Variants in MYO5B observed in about 807,000 individuals in gnomAD.
The protein encoded by MYO5B is myosin VB.
MYO5B carries 143 observed loss-of-function variants against 229.3 expected under a neutral mutation model. That is an observed-to-expected ratio of 0.62 (90% CI 0.54 to 0.72). The LOEUF is 0.72. MYO5B is among the 30% of genes least tolerant of loss of function. The pLI is 0.00. For missense variants in MYO5B, 2,321 were observed against 2,331.0 expected, an observed-to-expected ratio of 1.00 and a Z score of 0.09; for synonymous variants, 918 against 885.2, an observed-to-expected ratio of 1.04 and a Z score of -0.66.
chr18:50,147,950 GA>G (rs200861251), intron 1 of MYO5B, among the ~76,000 whole-genome samples: 13,386 of 151,174 alleles, frequency 0.089, 658 homozygotes, highest in East Asian at 0.19. Context: ...GACTAATAAA[GA>G]AAAAAAGAGA....
chr18:50,188,542 T>C (rs1393784257), intron 1 of MYO5B, among the ~76,000 whole-genome samples: 1 of 152,052 alleles, frequency 6.6e-6, no homozygotes, highest in Non-Finnish European at 1.5e-5. Flanking sequence ...ACATAAAAAC[T>C]ATCAACAAGG....
chr18:49,962,865 T>A (rs1283320906), intron 11 of MYO5B, 84 bp downstream of exon 11: 61 of 1,200,162 alleles, frequency 5.1e-5, no homozygotes. Context: ...CCCACCCACC[T>A]CAGAGGAAGA....
intron 1 of MYO5B, among the ~76,000 whole-genome samples, chr18:50,183,339 C>CATA (rs2033103088): frequency 9.1e-6 from 1 of 110,208 alleles, no homozygotes; most frequent in Non-Finnish European, 1.9e-5. Flanking sequence ...ATATATATAT[C>CATA]TCCTTCAATA....
chr18:49,990,086 T>C (rs1315882225), intron 7 of MYO5B, among the ~76,000 whole-genome samples: 5 of 152,236 alleles, frequency 3.3e-5, no homozygotes, highest in African/African-American at 9.6e-5. Context: ...ATATGATGTA[T>C]ATTACTTTTA....
chr18:50,086,900 A>C (rs1241903650), intron 1 of MYO5B, among the ~76,000 whole-genome samples: 1 of 152,178 alleles, frequency 6.6e-6, no homozygotes, highest in East Asian at 1.9e-4. Flanking sequence ...CATATAGTGG[A>C]GTGGTCTGTA....
chr18:49,912,494 C>G lies in MYO5B; in HGVS notation c.2091-321G>C, dbSNP rs149497471. Among the ~76,000 whole-genome samples, 752 of 152,268 alleles carry G rather than the reference C, an allele frequency of 4.9e-3. 5 individuals are homozygous for G. The highest frequency in any genetic ancestry group is 7.0e-3 in the Non-Finnish European group (476 of 68,016). On this transcript the variant is annotated intron_variant, in intron 17 of 39. Transcript: ENST00000285039. ...ACCCAAATCTCATCGTGAATTGTAC[C>G]TCCCATAATTCTCACATGTCGAGGG...
intron 12 of MYO5B, among the ~76,000 whole-genome samples, chr18:49,956,669 C>T (rs981866320): frequency 2.6e-5 from 2 of 76,152 alleles, no homozygotes; most frequent in Admixed American, 2.5e-4. Flanking sequence ...AAAGGAAATG[C>T]ACATACAGCT....
intron 4 of MYO5B, among the ~76,000 whole-genome samples, chr18:50,009,331 T>C (rs1034924468): frequency 1.3e-5 from 2 of 152,090 alleles, no homozygotes; most frequent in Admixed American, 6.5e-5. Flanking sequence ...TGAGCCGAGA[T>C]TGCACCACTG....
intron 1 of MYO5B, among the ~76,000 whole-genome samples, chr18:50,087,631 T>C (rs906526391): frequency 2.0e-5 from 3 of 151,496 alleles, no homozygotes; most frequent in Admixed American, 2.0e-4. Flanking sequence ...AATCACACTA[T>C]GTTTAACCGC....
rs1435910990 is a variant in MYO5B at position 49,963,024 on chromosome 18, C to T, written c.1329G>A (p.Glu443=). 6.2e-7 allele frequency: 1 copy of T among 1,613,536 alleles called. No individual in the cohort carries two copies. The highest frequency in any genetic ancestry group is 1.1e-5 in the South Asian group (1 of 91,074). Residue 443 remains glutamate, a synonymous_variant, in exon 11 of 40, where the codon GAG becomes GAA. Transcript: ENST00000285039. The part of the protein sequence containing the change: ...FIGVLDIYGF[E]TFEVNSFEQF... ...GCTCAAAGCTGTTTACCTCAAATGT[C>T]TCAAACCTACAGAATGGAAAGAGAA...
chr18:50,061,553 C>A (rs1036775166), intron 1 of MYO5B, among the ~76,000 whole-genome samples: 1 of 152,216 alleles, frequency 6.6e-6, no homozygotes, highest in African/African-American at 2.4e-5. Context: ...TTCTAGCCTA[C>A]TTCTACTCCA....
At chr18:50,054,440 T>C (rs1422589136) in intron 2 of MYO5B, among the ~76,000 whole-genome samples, 2 of 152,254 alleles carry the variant, frequency 1.3e-5, no homozygotes, top group African/African-American at 4.8e-5. Context: ...TTTGTGTTCA[T>C]GTTCACTGCC....
At chr18:49,968,232 C>T (rs114607848) in intron 10 of MYO5B, among the ~76,000 whole-genome samples, 1,570 of 152,260 alleles carry the variant, frequency 0.01, 15 homozygotes, top group African/African-American at 0.036. Flanking sequence ...AACTGAGGGT[C>T]GGGCTGCTTA....
intron 27 of MYO5B, among the ~76,000 whole-genome samples, chr18:49,866,154 C>T (rs552936286): frequency 1.4e-4 from 21 of 152,244 alleles, no homozygotes; most frequent in East Asian, 7.7e-4. Context: ...CTGCAAGCTC[C>T]GCCTCCCAGG....
intron 2 of MYO5B, among the ~76,000 whole-genome samples, chr18:50,046,291 A>G (rs952678822): frequency 1.3e-5 from 2 of 152,152 alleles, no homozygotes. Context: ...ATCCCATCCC[A>G]AGATTGTTTA....
chr18:50,106,363 T>C (rs1429266948), intron 1 of MYO5B, among the ~76,000 whole-genome samples: 1 of 152,226 alleles, frequency 6.6e-6, no homozygotes, highest in Non-Finnish European at 1.5e-5. Flanking sequence ...CCTCCCTTGC[T>C]CAGAGCTCTT....
At chr18:49,876,315 T>C (rs942570967) in intron 25 of MYO5B, 2 of 262,960 alleles carry the variant, frequency 7.6e-6, no homozygotes, top group African/African-American at 4.5e-5. Flanking sequence ...CCGGAACCTA[T>C]TTATCCAACA....
intron 1 of MYO5B, among the ~76,000 whole-genome samples, chr18:50,177,486 G>A (rs2033013466): frequency 6.6e-6 from 1 of 152,152 alleles, no homozygotes; most frequent in South Asian, 2.1e-4. Context: ...TGTCAATAAT[G>A]TTCACTCAGC....
chr18:50,129,939 C>A (rs1288048541), intron 1 of MYO5B, among the ~76,000 whole-genome samples: 2 of 152,164 alleles, frequency 1.3e-5, no homozygotes, highest in African/African-American at 4.8e-5. Context: ...ACTAAACCAA[C>A]TTTTTTTCCC....
Sources: allele counts gnomAD v4.1 joint callset (sites outside exome capture counted in the v4.1 genomes callset), GRCh38; gene constraint gnomAD v4.1.1; transcripts MANE v1.5; gene names NCBI Gene and HGNC (gene_info 2026-07-23, HGNC 2026-07-21).